Variants in SV2C observed in about 807,000 individuals in gnomAD.
SV2C encodes solute carrier family 22 member B3.
SV2C carries 49 observed loss-of-function variants against 79.7 expected under a neutral mutation model. The ratio of observed to expected loss-of-function variants is 0.61; its 90% CI spans 0.49 to 0.78. SV2C has a LOEUF of 0.78. SV2C is among the 30% of genes least tolerant of loss of function. The pLI is 0.00. For synonymous variants in SV2C, 334 were observed against 333.2 expected (o/e 1.00, Z -0.03); for missense variants, 833 against 912.9 (o/e 0.91, Z 1.13).
At chr5:75,930,925 G>A in the SV2C span, among the ~76,000 whole-genome samples, 11,316 of 152,158 alleles carry the variant, frequency 0.074, 1,359 homozygotes, top group African/African-American at 0.25. Flanking sequence ...CTTGAGCCCA[G>A]GAGTTCAAGA....
chr5:76,115,349 CA>C (rs1280010723), intron 1 of SV2C, among the ~76,000 whole-genome samples: 2 of 152,110 alleles, frequency 1.3e-5, no homozygotes. Context: ...GATAGGCGTA[CA>C]GGGGAAAGGG....
the SV2C span, among the ~76,000 whole-genome samples, chr5:76,056,118 T>C: frequency 6.6e-6 from 1 of 152,320 alleles, no homozygotes; most frequent in Admixed American, 6.5e-5. Flanking sequence ...CAGTATGCTA[T>C]TAGCTATGGG....
At chr5:75,967,577 G>A in the SV2C span, among the ~76,000 whole-genome samples, 6 of 152,276 alleles carry the variant, frequency 3.9e-5, no homozygotes, top group East Asian at 9.7e-4. Context: ...CCCACTGCTA[G>A]CACAGCAGTC....
Position 76,291,828 on chromosome 5 carries a change from A to G in SV2C, c.1309A>G (p.Thr437Ala), listed in dbSNP as rs949161963. The change falls in exon 8 of 13, where the codon ACA becomes GCA. Residue 437 changes from threonine (T) to alanine (A), a missense_variant. By Grantham distance (58) the Thr-to-Ala change is moderately conservative (BLOSUM62 0). Coordinates refer to ENST00000502798, the MANE Select transcript of SV2C (RefSeq NM_014979.4). ...YPVRDNTIKL[T>A]IVWFTLSFGY... ...AGTCAGGGATAATACAATAAAGCTT[A>G]CAATTGTTTGGTTCACCCTGTCCTT... 5 of 1,610,126 alleles carry G rather than the reference A, an allele frequency of 3.1e-6. No individual in the cohort carries two copies. In the African/African-American group the frequency reaches 6.7e-5, roughly 22 times the overall value.
intron 4 of SV2C, among the ~76,000 whole-genome samples, chr5:76,256,879 G>T (rs999590799): frequency 1.3e-5 from 2 of 152,220 alleles, no homozygotes; most frequent in African/African-American, 4.8e-5. Context: ...CAGACTTAAT[G>T]AACGAGTTCC....
Position 76,342,844 on chromosome 5 carries a change from T to A in SV2C, c.2001-10286T>A, listed in dbSNP as rs144366249. 7.8e-3 allele frequency among the ~76,000 whole-genome samples: 1,181 copies of A among 152,258 alleles called. 18 individuals are homozygous for A. The highest frequency in any genetic ancestry group is 0.027 in the African/African-American group (1,136 of 41,536). On this transcript the variant is annotated intron_variant, in intron 12 of 12. Coordinates refer to the SV2C transcript ENST00000322285. ...TTGCATACATTTAATGTGTACAACA[T>A]GGTATGTTGGTATACATAGAACACA...
intron 4 of SV2C, among the ~76,000 whole-genome samples, chr5:76,214,229 C>T (rs1744849589): frequency 6.6e-6 from 1 of 152,152 alleles, no homozygotes; most frequent in South Asian, 2.1e-4. Flanking sequence ...AAAGGAGGTT[C>T]CAATTTCATT....
intron 1 of SV2C, among the ~76,000 whole-genome samples, chr5:76,087,188 A>G (rs1402216653): frequency 6.6e-6 from 1 of 152,244 alleles, no homozygotes; most frequent in East Asian, 1.9e-4. Context: ...AGATGTATGA[A>G]TTAAAACAAT....
chr5:76,144,146 T>C (rs74290941), intron 2 of SV2C, among the ~76,000 whole-genome samples: 8,674 of 152,260 alleles, frequency 0.057, 662 homozygotes, highest in East Asian at 0.37. Flanking sequence ...TTCTGTGTGT[T>C]TGATACAATT....
the SV2C span, among the ~76,000 whole-genome samples, chr5:75,996,496 A>G: frequency 3.3e-5 from 5 of 152,178 alleles, no homozygotes; most frequent in Non-Finnish European, 7.3e-5. Flanking sequence ...TGAACTTTAA[A>G]GTAGTTTTTT....
intron 2 of SV2C, among the ~76,000 whole-genome samples, chr5:76,177,342 A>G (rs1045016875): frequency 3.3e-5 from 5 of 151,338 alleles, no homozygotes; most frequent in African/African-American, 4.8e-5. Flanking sequence ...ATGTTCCAGG[A>G]CCCGCTAGTG....
At chr5:76,064,668 CCTT>C in the SV2C span, among the ~76,000 whole-genome samples, 6 of 152,226 alleles carry the variant, frequency 3.9e-5, no homozygotes, top group African/African-American at 1.4e-4. Flanking sequence ...CCATCGTTTT[CCTT>C]CTTCTCCGGA....
At chr5:76,212,782 C>G (rs1403320147) in intron 4 of SV2C, among the ~76,000 whole-genome samples, 1 of 152,170 alleles carries the variant, frequency 6.6e-6, no homozygotes, top group African/African-American at 2.4e-5. Context: ...GTTCCTCTGA[C>G]TCTGCCTTTC....
intron 2 of SV2C, among the ~76,000 whole-genome samples, chr5:76,187,608 CTT>C (rs1743961552): frequency 6.6e-6 from 1 of 152,032 alleles, no homozygotes; most frequent in South Asian, 2.1e-4. Context: ...ACTTTCTTTG[CTT>C]TTATTTGATT....
chr5:75,859,665 C>T, the SV2C span, among the ~76,000 whole-genome samples: 7 of 152,106 alleles, frequency 4.6e-5, no homozygotes, highest in Non-Finnish European at 7.4e-5. Context: ...AACCACTCCG[C>T]GGCATTCCAC....
intron 10 of SV2C, 40 bp from the exon 11 acceptor site, chr5:76,300,689 G>A (rs1561305780): frequency 6.3e-7 from 1 of 1,596,586 alleles, no homozygotes; most frequent in Non-Finnish European, 8.6e-7. Context: ...TGCATGCCTG[G>A]TAAGAGCTTG....
At chr5:76,019,029 A>G in the SV2C span, among the ~76,000 whole-genome samples, 1 of 152,014 alleles carries the variant, frequency 6.6e-6, no homozygotes, top group African/African-American at 2.4e-5. Context: ...TCACCTTTTC[A>G]CCTCCCTCCT....
intron 1 of SV2C, among the ~76,000 whole-genome samples, chr5:76,120,997 G>C (rs1480167177): frequency 2.6e-5 from 4 of 151,006 alleles, no homozygotes; most frequent in Admixed American, 6.6e-5. Context: ...GTGTAAAAGT[G>C]TTCCTATTTC....
At chr5:76,097,854 A>T (rs1747615448) in intron 1 of SV2C, among the ~76,000 whole-genome samples, 1 of 152,166 alleles carries the variant, frequency 6.6e-6, no homozygotes, top group Non-Finnish European at 1.5e-5. Context: ...CAGTCACATT[A>T]TTCTCTCTCT....
Sources: gnomAD v4.1 joint callset for allele counts (sites outside exome capture counted in the v4.1 genomes callset) on GRCh38, gnomAD v4.1.1 for gene constraint, MANE v1.5 for transcripts, NCBI Gene and HGNC (gene_info 2026-07-23, HGNC 2026-07-21) for gene names.